Variants in FAT4 observed in about 807,000 individuals in gnomAD.
The protein encoded by FAT4 is FAT atypical cadherin 4.
FAT4 carries 84 observed loss-of-function variants against 303.9 expected under a neutral mutation model. The observed-to-expected ratio is 0.28, with a 90% CI of 0.23 to 0.33. The LOEUF is 0.33. Ranked by LOEUF, FAT4 falls within the 10% of genes least tolerant of loss-of-function variation. The probability of loss-of-function intolerance (pLI) is 1.00; values close to 1 mark genes in which losing one functional copy is unlikely to be tolerated. For synonymous variants in FAT4, 2,307 were observed against 2,298.8 expected, an observed-to-expected ratio of 1.00 and a Z score of -0.10; for missense variants, 6,005 against 6,146.8, an observed-to-expected ratio of 0.98 and a Z score of 0.77.
Position 125,491,032 on chromosome 4 carries a change from C to T in FAT4, c.14216C>T (p.Thr4739Ile). The T allele has an allele frequency of 1.2e-6, 2 of 1,614,214 alleles. No individual in the cohort carries two copies. The highest frequency in any genetic ancestry group is 1.7e-6 in the Non-Finnish European group (2 of 1,180,038). ...DGNTLEMHGD[T>I]CQPGIFNYAT... ...AATACTTTGGAAATGCATGGTGACA[C>T]CTGCCAACCTGGCATTTTCAACTAT... Residue 4739 changes from threonine to isoleucine, a missense_variant, in exon 18 of 18, where the codon ACC becomes ATC. Physicochemically the swap from Thr to Ile is moderately conservative, Grantham distance 89 (BLOSUM62 -1). Coordinates refer to ENST00000394329, the MANE Select transcript of FAT4 (RefSeq NM_001291303.3).
chr4:125,455,114 C>G (rs576665373), intron 10 of FAT4, among the ~76,000 whole-genome samples: 1 of 152,098 alleles, frequency 6.6e-6, no homozygotes, highest in Non-Finnish European at 1.5e-5. Context: ...ATTACTTTAT[C>G]GGCTGGGAAT....
chr4:125,347,197 T>C (rs2125974383), intron 2 of FAT4, among the ~76,000 whole-genome samples: 1 of 150,640 alleles, frequency 6.6e-6, no homozygotes, highest in Non-Finnish European at 1.5e-5. Flanking sequence ...ATGTTATAAA[T>C]TATATATTAT....
chr4:125,334,032 T>C (rs1731482311), intron 2 of FAT4, among the ~76,000 whole-genome samples: 1 of 151,906 alleles, frequency 6.6e-6, no homozygotes, highest in Admixed American at 6.6e-5. Context: ...ACTGAAACAA[T>C]AGGGTTTATG....
At chr4:125,478,873 G>T (rs1727124923) in intron 14 of FAT4, among the ~76,000 whole-genome samples, 1 of 151,912 alleles carries the variant, frequency 6.6e-6, no homozygotes, top group African/African-American at 2.4e-5. Flanking sequence ...TCACTTCTTG[G>T]CTCAAAGTGC....
chr4:125,440,610 T>TGTGAGAGAGAGA (rs372756130), intron 8 of FAT4, among the ~76,000 whole-genome samples: 892 of 75,760 alleles, frequency 0.012, 12 homozygotes, highest in African/African-American at 0.029. Flanking sequence ...TGTGTGTGTG[T>TGTGAGAGAGAGA]GAGAGAGAGA....
intron 5 of FAT4, among the ~76,000 whole-genome samples, chr4:125,412,120 GA>G (rs1303553836): frequency 6.6e-6 from 1 of 151,578 alleles, no homozygotes; most frequent in African/African-American, 2.4e-5. Context: ...GATATTTGTT[GA>G]AAAAATAGAA....
Position 125,450,642 on chromosome 4 carries a change from G to A in FAT4, c.9632G>A (p.Ser3211Asn). 6.2e-7 allele frequency: 1 copy of A among 1,614,062 alleles called. No homozygotes were observed. Among genetic ancestry groups the A allele is most frequent in the Non-Finnish European group, 8.5e-7 (1 of 1,179,986 alleles). Residue 3211 changes from serine (S) to asparagine (N), a missense_variant, in exon 10 of 18, where the codon AGT (serine) becomes AAT (asparagine). Transcript: ENST00000394329. Reference sequence around the variant, plus strand: ...CCTACTGTTTTGGAAAATGCCCCAAGTGGAACAACAGTTATCCACCTAAAT... The same window carrying A: ...CCTACTGTTTTGGAAAATGCCCCAAATGGAACAACAGTTATCCACCTAAAT... Reference protein sequence around the residue: ...YFPTVLENAPSGTTVIHLNAT... With the variant: ...YFPTVLENAPNGTTVIHLNAT...
chr4:125,409,046 G>T (rs1042144369), intron 5 of FAT4, among the ~76,000 whole-genome samples: 12 of 152,012 alleles, frequency 7.9e-5, no homozygotes, highest in Non-Finnish European at 1.6e-4. Context: ...CCCCCTAAAT[G>T]TAGGGTCGTG....
intron 3 of FAT4, among the ~76,000 whole-genome samples, chr4:125,405,541 C>T (rs576814104): frequency 2.0e-5 from 3 of 151,390 alleles, no homozygotes; most frequent in Non-Finnish European, 2.9e-5. Flanking sequence ...ACAAGAGTCT[C>T]GCTCTGTTAC....
At chr4:125,372,540 C>T (rs1733158592) in intron 2 of FAT4, among the ~76,000 whole-genome samples, 1 of 152,100 alleles carries the variant, frequency 6.6e-6, no homozygotes. Context: ...CTATTAACTA[C>T]ATTTGATGAA....
chr4:125,319,359 C>G lies in FAT4; in HGVS notation c.2948C>G (p.Thr983Arg), dbSNP rs1354112403. 1 of 1,612,106 alleles carries G rather than the reference C, an allele frequency of 6.2e-7. No individual in the cohort carries two copies. The highest frequency in any genetic ancestry group is 8.5e-7 in the Non-Finnish European group (1 of 1,178,676). Residue 983 changes from threonine to arginine, a missense_variant, in exon 2 of 18, where the codon ACA becomes AGA. Thr to Arg is a moderately conservative substitution (Grantham distance 71, BLOSUM62 -1). Transcript: ENST00000394329. Reference protein sequence around the residue: ...VPQLSSSVILTVYVHDVNDNS... With the variant: ...VPQLSSSVILRVYVHDVNDNS... ...CAGCTCTCCTCTAGTGTCATCTTAA[C>G]AGTTTATGTCCATGATGTAAATGAC...
At chr4:125,404,661 A>C (rs1281167818) in intron 3 of FAT4, among the ~76,000 whole-genome samples, 1 of 152,162 alleles carries the variant, frequency 6.6e-6, no homozygotes. Context: ...GATGTTGTAC[A>C]GTAGATCTAG....
chr4:125,339,202 C>T (rs558646090), intron 2 of FAT4, among the ~76,000 whole-genome samples: 27 of 152,178 alleles, frequency 1.8e-4, no homozygotes, highest in Non-Finnish European at 2.4e-4. Flanking sequence ...CTTGCCCTGT[C>T]GCCCAGGCTG....
At position 125,320,607 on chromosome 4, in the gene FAT4, C is replaced by T. The variant is rs1188296792; in HGVS notation, c.4196C>T (p.Pro1399Leu). Residue 1399 changes from proline (P) to leucine (L), a missense_variant, in exon 2 of 18, where the codon CCT becomes CTT. Transcript: ENST00000394329. ...NITAKDQGRP[P>L]RSSTMSVVIH... ...ACAGCAAAAGACCAAGGAAGACCTC[C>T]TCGTTCATCTACAATGTCAGTGGTT... 1.1e-5 allele frequency: 17 copies of T among 1,614,152 alleles called. No individual in the cohort carries two copies. Among genetic ancestry groups the T allele is most frequent in the Non-Finnish European group, 1.4e-5 (16 of 1,179,974 alleles).
At chr4:125,476,989 C>T (rs1022522539) in intron 13 of FAT4, among the ~76,000 whole-genome samples, 166 bp from the exon 14 acceptor site, 2 of 151,796 alleles carry the variant, frequency 1.3e-5, no homozygotes, top group African/African-American at 2.4e-5. Flanking sequence ...GGAAGTCTAA[C>T]AACTCTGTGT....
rs958153342 is a variant in FAT4 at position 125,468,165 on chromosome 4, T to TA, written c.11906-337dup. On this transcript the variant is annotated intron_variant, in intron 11 of 17. Transcript: ENST00000394329. ...AAACTCTGTCCCAAAATAAAAAAAATAAAAAAAAAATCAATGAATTTTGAA... is the reference window on the plus strand; with the variant it reads ...AAACTCTGTCCCAAAATAAAAAAAATAAAAAAAAAAATCAATGAATTTTGAA... Among the ~76,000 whole-genome samples, 292 of 150,172 alleles carry TA rather than the reference T, an allele frequency of 1.9e-3. 2 individuals carry two copies. Among genetic ancestry groups the TA allele is most frequent in the African/African-American group, 5.2e-3 (214 of 40,960 alleles).
At chr4:125,373,268 A>G (rs1336795106) in intron 2 of FAT4, among the ~76,000 whole-genome samples, 1 of 152,098 alleles carries the variant, frequency 6.6e-6, no homozygotes, top group Non-Finnish European at 1.5e-5. Flanking sequence ...CAGAATTGCC[A>G]TGATGCAGGT....
intron 2 of FAT4, among the ~76,000 whole-genome samples, chr4:125,357,679 C>T (rs1173000014): frequency 1.3e-5 from 2 of 152,044 alleles, no homozygotes; most frequent in East Asian, 1.9e-4. Flanking sequence ...GCAATTTAGG[C>T]TTAGGGAGTA....
chr4:125,412,783 G>C (rs1734895535), intron 5 of FAT4, among the ~76,000 whole-genome samples: 1 of 151,820 alleles, frequency 6.6e-6, no homozygotes, highest in Non-Finnish European at 1.5e-5. Flanking sequence ...AATGTATTTT[G>C]ATCTTAGATA....
Sources: allele counts gnomAD v4.1 joint callset (sites outside exome capture counted in the v4.1 genomes callset), GRCh38; gene constraint gnomAD v4.1.1; transcripts MANE v1.5; gene names NCBI Gene and HGNC (gene_info 2026-07-23, HGNC 2026-07-21).